Variants in RAB3IP observed in about 807,000 individuals in gnomAD.
RAB3IP encodes the protein rab-3A-interacting protein.
RAB3IP carries 36 observed loss-of-function variants against 59.1 expected under a neutral mutation model. The ratio of observed to expected loss-of-function variants is 0.61; its 90% confidence interval spans 0.47 to 0.80. The LOEUF is 0.80. Among genes scored for constraint, RAB3IP ranks in the 30% least tolerant of loss-of-function variants. The pLI is 0.00. For missense variants in RAB3IP, 511 were observed against 536.0 expected, an observed-to-expected ratio of 0.95 and a Z score of 0.46; for synonymous variants, 207 against 191.2, an observed-to-expected ratio of 1.08 and a Z score of -0.68.
At position 69,817,775 on chromosome 12, in the gene RAB3IP, T is replaced by C. The variant is rs1172075598; in HGVS notation, c.*2329T>C. 1 of 148,282 alleles carries C rather than the reference T, an allele frequency of 6.7e-6. No homozygotes were observed. Among genetic ancestry groups the C allele is most frequent in the Non-Finnish European group, 1.5e-5 (1 of 65,864 alleles). 9.2% of individuals were successfully genotyped at this position (148,282 alleles called of 1,614,324 possible). A position where few individuals can be genotyped will look rare whatever the true frequency, so the allele number is the denominator to read the frequency against. ...ACTTGGGCAACATAGGGAGACCTTG[T>C]CTCTAAAAAAAAAACTAAAGCTAAA... On this transcript the variant is annotated 3_prime_UTR_variant, in exon 11 of 11. Coordinates refer to ENST00000247833, the MANE Select transcript of RAB3IP (RefSeq NM_022456.5).
intron 3 of RAB3IP, 50 bp downstream of exon 3, chr12:69,756,713 A>G: frequency 6.7e-7 from 1 of 1,493,060 alleles, no homozygotes; most frequent in Non-Finnish European, 9.1e-7. Context: ...AGAAATTAGT[A>G]TTTCTCCATG....
At chr12:69,752,757 C>A (rs1019699504) in intron 1 of RAB3IP, among the ~76,000 whole-genome samples, 5 of 152,104 alleles carry the variant, frequency 3.3e-5, no homozygotes, top group African/African-American at 1.2e-4. Context: ...TAAATAGTTA[C>A]TGATTAAAAT....
At position 69,756,422 on chromosome 12, in the gene RAB3IP, C is replaced by T. The variant is rs150673904; in HGVS notation, c.269C>T (p.Pro90Leu). 92 of 1,613,962 alleles carry T rather than the reference C, an allele frequency of 5.7e-5. No individual in the cohort carries two copies. The African/African-American group carries it at 9.2e-4, about 16-fold the overall frequency. Residue 90 changes from proline (P) to leucine (L), a missense_variant, in exon 3 of 11, where the codon CCA (proline) becomes CTA (leucine). By Grantham distance (98) the Pro-to-Leu change is moderately conservative. Transcript: ENST00000247833. ...CTTTACAGCTTTCATGTTACAGACC[C>T]AGCCCCTTGCTCTACCTCTGGAGTC... ...ISSISFHVTD[P>L]APCSTSGVTA...
intron 5 of RAB3IP, among the ~76,000 whole-genome samples, chr12:69,794,721 T>C (rs1877171555): frequency 6.6e-6 from 1 of 152,210 alleles, no homozygotes; most frequent in South Asian, 2.1e-4. Flanking sequence ...CCAAATGATT[T>C]AAAACCTTGT....
chr12:69,803,488 T>C (rs910849746), intron 8 of RAB3IP, among the ~76,000 whole-genome samples: 1 of 151,890 alleles, frequency 6.6e-6, no homozygotes, highest in Non-Finnish European at 1.5e-5. Context: ...TAAGTTTTTT[T>C]TTTAATTTTT....
intron 3 of RAB3IP, among the ~76,000 whole-genome samples, chr12:69,781,140 G>A (rs1874633299): frequency 6.6e-6 from 1 of 151,992 alleles, no homozygotes; most frequent in Non-Finnish European, 1.5e-5. Context: ...AATAATATGT[G>A]TTATTTTACA....
Position 69,800,236 on chromosome 12 carries a change from C to T in RAB3IP, c.916C>T (p.Arg306Ter), listed in dbSNP as rs760710736. The T allele has an allele frequency of 1.9e-6, 3 of 1,562,320 alleles. No individual in the cohort carries two copies. Among genetic ancestry groups the T allele is most frequent in the East Asian group, 2.4e-5 (1 of 42,090 alleles). ...TGACTTATCCTTGTATAATGAATTC[C>T]GATTGTGGAAGGATGAGCCCACAAT... ...EADLSLYNEF[R>*]LWKDEPTMDR... Residue 306 changes from arginine (R) to a stop codon, truncating the protein, a stop_gained, in exon 7 of 11, where the codon CGA (arginine) becomes TGA (stop). Coordinates refer to ENST00000247833, the MANE Select transcript of RAB3IP (RefSeq NM_022456.5). LOFTEE classifies it high-confidence loss of function.
At chr12:69,792,187 A>G (rs1321376354) in intron 4 of RAB3IP, among the ~76,000 whole-genome samples, 1 of 152,174 alleles carries the variant, frequency 6.6e-6, no homozygotes, top group African/African-American at 2.4e-5. Flanking sequence ...GGTCATTGGT[A>G]CAAAGTGTCA....
intron 4 of RAB3IP, among the ~76,000 whole-genome samples, chr12:69,786,957 C>T (rs1475300080): frequency 2.6e-5 from 4 of 152,108 alleles, no homozygotes; most frequent in African/African-American, 7.2e-5. Flanking sequence ...AAGTTGTATT[C>T]GAACCAATTA....
In RAB3IP at chr12:69,806,453, G is replaced by T. The variant is rs182458947; in HGVS notation, c.1130+4732G>T. On this transcript the variant is annotated intron_variant, in intron 8 of 10. Coordinates refer to ENST00000247833, the MANE Select transcript of RAB3IP (RefSeq NM_022456.5). ...TGATCTTTTCAAAAAACCAGCTCCTGGATTCATTGATTTTTTTGAAGGGTT... is the reference window on the plus strand; with the variant it reads ...TGATCTTTTCAAAAAACCAGCTCCTTGATTCATTGATTTTTTTGAAGGGTT... Among the ~76,000 whole-genome samples the T allele has an allele frequency of 2.6e-5, 4 of 151,498 alleles. No individual in the cohort carries two copies. In the East Asian group the frequency reaches 7.8e-4, roughly 29 times the overall value.
intron 8 of RAB3IP, among the ~76,000 whole-genome samples, chr12:69,811,006 T>C (rs191727465): frequency 9.2e-5 from 14 of 152,208 alleles, no homozygotes; most frequent in Admixed American, 5.2e-4. Flanking sequence ...AGCTTAGAAA[T>C]GAGATCTTTT....
At chr12:69,808,857 T>G (rs920436013) in intron 8 of RAB3IP, among the ~76,000 whole-genome samples, 1 of 152,204 alleles carries the variant, frequency 6.6e-6, no homozygotes, top group African/African-American at 2.4e-5. Context: ...TTATCCAATT[T>G]GCCAGTCTGT....
intron 1 of RAB3IP, among the ~76,000 whole-genome samples, chr12:69,740,390 T>C (rs1264143450): frequency 6.6e-6 from 1 of 152,254 alleles, no homozygotes; most frequent in African/African-American, 2.4e-5. Flanking sequence ...GATCTAATCC[T>C]AAAGCCCTTG....
chr12:69,802,336 T>A (rs1254503270), intron 8 of RAB3IP, among the ~76,000 whole-genome samples: 1 of 152,112 alleles, frequency 6.6e-6, no homozygotes, highest in African/African-American at 2.4e-5. Flanking sequence ...TAAAGGATTC[T>A]CACTTAAATA....
chr12:69,755,594 A>G lies in RAB3IP; in HGVS notation c.186A>G (p.Glu62=), dbSNP rs750336181. The change falls in exon 2 of 11, where the codon GAA becomes GAG. Residue 62 remains glutamate, a synonymous_variant. Transcript: ENST00000247833. ...PIQANALDVS[E]LPTQPVYSSP... Reference sequence around the variant, plus strand: ...AGGCAAATGCATTAGATGTTTCTGAACTTCCTACACAACCCGTGTATTCAT... The same window carrying G: ...AGGCAAATGCATTAGATGTTTCTGAGCTTCCTACACAACCCGTGTATTCAT... 1.4e-5 allele frequency: 23 copies of G among 1,613,836 alleles called. No homozygotes were observed. The highest frequency in any genetic ancestry group is 4.5e-5 in the East Asian group (2 of 44,878).
intron 3 of RAB3IP, among the ~76,000 whole-genome samples, chr12:69,763,166 G>T (rs1592490556): frequency 6.6e-6 from 1 of 152,132 alleles, no homozygotes; most frequent in Admixed American, 6.5e-5. Flanking sequence ...TGTGAACAAA[G>T]AATTCTGAAG....
Position 69,801,875 on chromosome 12 carries a change from G to C in RAB3IP, c.1130+154G>C, listed in dbSNP as rs113255680. Among the ~76,000 whole-genome samples, 62 of 151,270 alleles carry C rather than the reference G, an allele frequency of 4.1e-4. 1 individual carries two copies. Among genetic ancestry groups the C allele is most frequent in the African/African-American group, 1.5e-3 (60 of 41,258 alleles). ...GCCTAGCCCAAAGACAAATTCCTGA[G>C]ACAGTGTGGAATATAGTATTTCAGA... On this transcript the variant is annotated intron_variant, in intron 8 of 10. Transcript: ENST00000247833.
At chr12:69,783,168 A>G (rs1163827946) in intron 3 of RAB3IP, among the ~76,000 whole-genome samples, 2 of 152,220 alleles carry the variant, frequency 1.3e-5, no homozygotes, top group African/African-American at 2.4e-5. Context: ...AGAGATTCCT[A>G]TGAAAGAATA....
chr12:69,798,923 A>G (rs1877949886), intron 6 of RAB3IP, among the ~76,000 whole-genome samples: 1 of 152,206 alleles, frequency 6.6e-6, no homozygotes, highest in African/African-American at 2.4e-5. Context: ...GACATCTCTT[A>G]TTAGAGCCAG....
Sources: gnomAD v4.1 joint callset for allele counts (sites outside exome capture counted in the v4.1 genomes callset) on GRCh38, gnomAD v4.1.1 for gene constraint, MANE v1.5 for transcripts, NCBI Gene and HGNC (gene_info 2026-07-23, HGNC 2026-07-21) for gene names.